UBR3: variants seen among roughly 807,000 people sequenced by gnomAD.
The protein encoded by UBR3 is ubiquitin protein ligase E3 component n-recognin 3.
UBR3 carries 85 observed loss-of-function variants against 243.2 expected under a neutral mutation model. The observed-to-expected ratio is 0.35, with a 90% CI of 0.29 to 0.42. The LOEUF is 0.42. UBR3 is among the 10% of genes least tolerant of loss of function. The pLI is 1.00. For missense variants in UBR3, 1,686 were observed against 2,300.8 expected, an observed-to-expected ratio of 0.73 and a Z score of 5.47; for synonymous variants, 748 against 799.8, an observed-to-expected ratio of 0.94 and a Z score of 1.09.
At chr2:170,030,951 G>A (rs1236749889) in intron 31 of UBR3, among the ~76,000 whole-genome samples, 1 of 151,856 alleles carries the variant, frequency 6.6e-6, no homozygotes, top group Non-Finnish European at 1.5e-5. Context: ...TTGGATCATT[G>A]GTCTTTTCCT....
chr2:170,062,097 G>T (rs2091469124), intron 35 of UBR3, among the ~76,000 whole-genome samples: 1 of 152,176 alleles, frequency 6.6e-6, no homozygotes, highest in South Asian at 2.1e-4. Context: ...CAGAAAACCG[G>T]TTGGTTGAAG....
intron 17 of UBR3, 144 bp downstream of exon 17, chr2:169,927,549 C>G: frequency 1.7e-6 from 1 of 581,140 alleles, no homozygotes; most frequent in South Asian, 2.9e-5. Context: ...GTTGTGTGCT[C>G]AAGTATGTAT....
chr2:169,891,109 A>C, intron 5 of UBR3, 56 bp from the exon 6 acceptor site: 1 of 1,350,208 alleles, frequency 7.4e-7, no homozygotes, highest in South Asian at 1.3e-5. Flanking sequence ...CACATTTATA[A>C]AGTGTATCAA....
intron 27 of UBR3, among the ~76,000 whole-genome samples, chr2:170,003,851 A>G (rs1001320977): frequency 6.6e-6 from 1 of 152,168 alleles, no homozygotes; most frequent in African/African-American, 2.4e-5. Flanking sequence ...CATGTTAGCC[A>G]GGATGGTCTC....
At chr2:170,069,800 A>G (rs1202731087) in intron 35 of UBR3, among the ~76,000 whole-genome samples, 2 of 152,014 alleles carry the variant, frequency 1.3e-5, no homozygotes, top group Non-Finnish European at 2.9e-5. Flanking sequence ...ATCCATCGCT[A>G]TCTGTAGGGG....
At chr2:169,881,552 C>G (rs1163508224) in intron 5 of UBR3, among the ~76,000 whole-genome samples, 1 of 148,042 alleles carries the variant, frequency 6.8e-6, no homozygotes, top group African/African-American at 2.5e-5. Flanking sequence ...GTCATTTAGG[C>G]ATTTGAAAAC....
chr2:169,927,502 C>A, intron 17 of UBR3, 97 bp downstream of exon 17: 7 of 930,298 alleles, frequency 7.5e-6, no homozygotes, highest in Non-Finnish European at 1.1e-5. Flanking sequence ...AATTTTTTTT[C>A]AAAGTTGAAA....
At position 170,001,129 on chromosome 2, in the gene UBR3, T is replaced by G. The variant is rs907138977; in HGVS notation, c.3919-175T>G. Among the ~76,000 whole-genome samples the G allele has an allele frequency of 2.6e-5, 4 of 152,220 alleles. No individual in the cohort carries two copies. In the East Asian group the frequency reaches 7.7e-4, roughly 29 times the overall value. ...CTACAACTTCATGGTATTCCAATTT[T>G]AAAGATAGTGCCTGAAGACTATCTA... On this transcript the variant is annotated intron_variant, in intron 26 of 38. Transcript: ENST00000272793.
intron 8 of UBR3, among the ~76,000 whole-genome samples, chr2:169,898,442 A>G (rs1031680782): frequency 6.6e-6 from 1 of 152,142 alleles, no homozygotes; most frequent in Non-Finnish European, 1.5e-5. Context: ...TCACTTAACC[A>G]TCAATAATTC....
At chr2:169,830,859 C>CT (rs1438246906) in intron 1 of UBR3, among the ~76,000 whole-genome samples, 2 of 151,750 alleles carry the variant, frequency 1.3e-5, no homozygotes, top group Non-Finnish European at 2.9e-5. Context: ...AACACTGATT[C>CT]TTTCCTGACT....
intron 14 of UBR3, 34 bp from the exon 15 acceptor site, chr2:169,926,658 A>G: frequency 1.3e-6 from 2 of 1,505,874 alleles, no homozygotes; most frequent in South Asian, 2.6e-5. Context: ...AAAACTGAAT[A>G]TTGAGAAATA....
intron 32 of UBR3, among the ~76,000 whole-genome samples, chr2:170,048,707 C>T (rs905470937): frequency 2.6e-5 from 4 of 152,026 alleles, no homozygotes; most frequent in Admixed American, 1.3e-4. Context: ...CAAAGAGAAA[C>T]TAAAGTTTTT....
At chr2:169,968,479 T>A (rs2087930479) in intron 24 of UBR3, among the ~76,000 whole-genome samples, 1 of 152,198 alleles carries the variant, frequency 6.6e-6, no homozygotes, top group Non-Finnish European at 1.5e-5. Context: ...TTGTTTCACT[T>A]AACATAATGA....
chr2:169,933,076 A>G (rs2086198116), intron 19 of UBR3, 68 bp downstream of exon 19: 6 of 1,088,834 alleles, frequency 5.5e-6, no homozygotes, highest in Non-Finnish European at 7.8e-6. Flanking sequence ...TTCAGTGATA[A>G]CACAGATATG....
At chr2:169,976,950 T>C (rs759420141) in intron 24 of UBR3, among the ~76,000 whole-genome samples, 7 of 152,180 alleles carry the variant, frequency 4.6e-5, no homozygotes, top group African/African-American at 9.6e-5. Flanking sequence ...AAATGACTTA[T>C]CTTCACGTTC....
At position 169,990,743 on chromosome 2, in the gene UBR3, A is replaced by ACACACACG. The variant is rs1283427385; in HGVS notation, c.3785-3574_3785-3573insCGCACACA. Among the ~76,000 whole-genome samples the ACACACACG allele has an allele frequency of 2.4e-3, 358 of 148,566 alleles. 19 individuals carry two copies. Among genetic ancestry groups the ACACACACG allele is most frequent in the African/African-American group, 7.2e-3 (289 of 40,350 alleles). On this transcript the variant is annotated intron_variant, in intron 25 of 38. Coordinates refer to ENST00000272793, the MANE Select transcript of UBR3 (RefSeq NM_172070.4). ...CACACACACACACACACACACACAC[A>ACACACACG]CACACATAAAAGAAAAGAGAAGGGA...
intron 28 of UBR3, among the ~76,000 whole-genome samples, 169 bp downstream of exon 28, chr2:170,007,359 T>C (rs1330863456): frequency 1.3e-5 from 2 of 152,212 alleles, no homozygotes; most frequent in Non-Finnish European, 2.9e-5. Context: ...ATAGAACAAA[T>C]TATTATCAAA....
At chr2:169,940,525 C>A (rs2086540184) in intron 19 of UBR3, among the ~76,000 whole-genome samples, 1 of 152,114 alleles carries the variant, frequency 6.6e-6, no homozygotes, top group South Asian at 2.1e-4. Context: ...TCTACATAGT[C>A]AATTTTTATA....
intron 32 of UBR3, 116 bp from the exon 33 acceptor site, chr2:170,055,344 T>C (rs1462846559): frequency 8.2e-7 from 1 of 1,217,528 alleles, no homozygotes; most frequent in African/African-American, 1.5e-5. Flanking sequence ...AAAAAACTAT[T>C]AAGTGTTGAA....
Sources: allele counts gnomAD v4.1 joint callset (sites outside exome capture counted in the v4.1 genomes callset), GRCh38; gene constraint gnomAD v4.1.1; transcripts MANE v1.5; gene names NCBI Gene and HGNC (gene_info 2026-07-23, HGNC 2026-07-21).